MAST4: variants seen among roughly 807,000 people sequenced by gnomAD.
The protein encoded by MAST4 is microtubule-associated serine/threonine-protein kinase 4.
Under a neutral mutation model 162.7 loss-of-function variants are expected in MAST4, and 89 were observed. That is an observed-to-expected ratio of 0.55 (90% CI 0.46 to 0.65). MAST4 has a LOEUF of 0.65. Among genes scored for constraint, MAST4 ranks in the 30% least tolerant of loss-of-function variants. The pLI is 0.00. For missense variants in MAST4, 3,153 were observed against 3,374.0 expected (o/e 0.93, Z 1.62); for synonymous variants, 1,479 against 1,361.1 (o/e 1.09, Z -1.91).
chr5:66,855,931 T>C (rs574550060), intron 3 of MAST4, among the ~76,000 whole-genome samples: 1 of 152,042 alleles, frequency 6.6e-6, no homozygotes, highest in South Asian at 2.1e-4. Flanking sequence ...GGAGGCTGAG[T>C]TGGGAGGATC....
chr5:66,808,678 G>A (rs576623164), intron 3 of MAST4, among the ~76,000 whole-genome samples: 2 of 152,244 alleles, frequency 1.3e-5, no homozygotes, highest in East Asian at 1.9e-4. Flanking sequence ...CATCACTTGC[G>A]TTCACAGCAT....
chr5:66,863,133 T>C (rs1263994120), intron 3 of MAST4, among the ~76,000 whole-genome samples: 2 of 152,180 alleles, frequency 1.3e-5, no homozygotes, highest in Non-Finnish European at 2.9e-5. Flanking sequence ...ATTACAGTAA[T>C]GTGAAACCTT....
At chr5:66,666,964 G>T (rs762626390) in intron 1 of MAST4, among the ~76,000 whole-genome samples, 21 of 151,864 alleles carry the variant, frequency 1.4e-4, no homozygotes, top group Non-Finnish European at 2.9e-4. Flanking sequence ...GGCTTGACTG[G>T]CAGCCTGCCA....
chr5:67,039,885 A>G (rs1364819909), intron 4 of MAST4, among the ~76,000 whole-genome samples: 1 of 152,120 alleles, frequency 6.6e-6, no homozygotes, highest in Admixed American at 6.6e-5. Flanking sequence ...AGAAGAATCT[A>G]CAATTTGGGG....
At chr5:67,022,876 CT>C (rs11374395) in intron 4 of MAST4, among the ~76,000 whole-genome samples, 34 of 147,854 alleles carry the variant, frequency 2.3e-4, no homozygotes, top group Middle Eastern at 3.4e-3. Flanking sequence ...GCAACAGTAG[CT>C]TTTTTTTTTT....
intron 1 of MAST4, among the ~76,000 whole-genome samples, chr5:66,743,631 G>A (rs1225766667): frequency 6.6e-6 from 1 of 152,130 alleles, no homozygotes; most frequent in Non-Finnish European, 1.5e-5. Context: ...CAGACCTGGA[G>A]TTCTGGGGAC....
At chr5:67,018,944 A>G (rs1231868622) in intron 4 of MAST4, among the ~76,000 whole-genome samples, 2 of 152,232 alleles carry the variant, frequency 1.3e-5, no homozygotes, top group Non-Finnish European at 2.9e-5. Flanking sequence ...AAATCACCCC[A>G]AATCCTGGTA....
In MAST4 at chr5:67,168,449, A is replaced by T. The variant is rs1774289259; in HGVS notation, c.*1398A>T. ...TTGCTAAGCCTTATTTAAATTTTGT[A>T]TACCGTGGAATATGTAGAATTTGTC... On this transcript the variant is annotated 3_prime_UTR_variant, in exon 29 of 29. Transcript: ENST00000403625. The T allele has an allele frequency of 6.6e-6, 1 of 152,158 alleles. No homozygotes were observed. The highest frequency in any genetic ancestry group is 1.5e-5 in the Non-Finnish European group (1 of 68,024). The allele number at this position is 152,158 out of a possible 1,614,324, so 9.4% of individuals were successfully genotyped here. A position where few individuals can be genotyped will look rare whatever the true frequency, so the allele number is the denominator to read the frequency against.
chr5:67,093,436 G>C (rs898644837), intron 6 of MAST4, among the ~76,000 whole-genome samples: 5 of 152,192 alleles, frequency 3.3e-5, no homozygotes, highest in African/African-American at 9.6e-5. Flanking sequence ...AAGTACTGTA[G>C]ATAGCATGTA....
In MAST4 at chr5:67,149,601, C is replaced by G; in HGVS notation, c.3295+12C>G. The G allele has an allele frequency of 8.7e-6, 14 of 1,611,630 alleles. No homozygotes were observed. Among genetic ancestry groups the G allele is most frequent in the Non-Finnish European group, 1.1e-5 (13 of 1,178,506 alleles). On this transcript the variant is annotated intron_variant, in intron 24 of 28. Coordinates refer to ENST00000403625, the MANE Select transcript of MAST4 (RefSeq NM_001164664.2). ...CATGATCCCAGGAGGTAGAGAGATACTACTTGCATGAAATTGTGTGATTTG... is the reference window on the plus strand; with the variant it reads ...CATGATCCCAGGAGGTAGAGAGATAGTACTTGCATGAAATTGTGTGATTTG...
chr5:67,045,721 T>G (rs1163216895), intron 4 of MAST4, among the ~76,000 whole-genome samples: 2 of 152,214 alleles, frequency 1.3e-5, no homozygotes, highest in Non-Finnish European at 1.5e-5. Flanking sequence ...GCTCTGTATA[T>G]ACGCTCCAAT....
intron 1 of MAST4, among the ~76,000 whole-genome samples, chr5:66,653,232 C>G (rs12055346): frequency 0.25 from 38,652 of 152,112 alleles, 5,080 homozygotes; most frequent in South Asian, 0.3. Flanking sequence ...TTCTTACTCC[C>G]ACTAAAATCA....
At chr5:66,872,265 G>A (rs1214670876) in intron 3 of MAST4, among the ~76,000 whole-genome samples, 1 of 152,134 alleles carries the variant, frequency 6.6e-6, no homozygotes, top group Non-Finnish European at 1.5e-5. Flanking sequence ...CACCTCCTGG[G>A]TTCAAGTGAT....
chr5:67,108,687 T>C (rs1765871341), intron 10 of MAST4, among the ~76,000 whole-genome samples: 1 of 152,150 alleles, frequency 6.6e-6, no homozygotes, highest in Non-Finnish European at 1.5e-5. Context: ...CTTTTGCCTG[T>C]ATATGGTTTT....
At chr5:66,817,286 T>C (rs1052735031) in intron 3 of MAST4, among the ~76,000 whole-genome samples, 11 of 152,358 alleles carry the variant, frequency 7.2e-5, no homozygotes, top group African/African-American at 2.6e-4. Flanking sequence ...ATTCATGTAC[T>C]TCTGACTCAG....
At chr5:66,811,641 G>T (rs559027192) in intron 3 of MAST4, among the ~76,000 whole-genome samples, 2 of 152,132 alleles carry the variant, frequency 1.3e-5, no homozygotes, top group Non-Finnish European at 2.9e-5. Flanking sequence ...AAGCTTTTTA[G>T]TAGTCAGTCA....
rs771254040 is a variant in MAST4 at position 67,164,271 on chromosome 5, A to G, written c.5092A>G (p.Lys1698Glu). Residue 1698 changes from lysine to glutamate, a missense_variant, in exon 29 of 29, where the codon AAA (lysine) becomes GAA (glutamate). By Grantham distance (56) the Lys-to-Glu change is moderately conservative. Coordinates refer to ENST00000403625, the MANE Select transcript of MAST4 (RefSeq NM_001164664.2). This position sits in a 1 kb window ranked among gnomAD's most constrained non-coding sequence, Gnocchi z 5.3. Reference sequence around the variant, plus strand: ...CCGAAAGAAAATGTCACTTGAGGACAAAGAGGACAACCTCTGCCCTGTGCT... The same window carrying G: ...CCGAAAGAAAATGTCACTTGAGGACGAAGAGGACAACCTCTGCCCTGTGCT... ...YLRKKMSLEDKEDNLCPVLKP... is the reference protein window; with the variant it reads ...YLRKKMSLEDEEDNLCPVLKP... The G allele has an allele frequency of 6.2e-7, 1 of 1,614,032 alleles. No homozygotes were observed. Among genetic ancestry groups the G allele is most frequent in the Admixed American group, 1.7e-5 (1 of 60,024 alleles).
chr5:67,028,744 A>T (rs1754965024), intron 4 of MAST4, among the ~76,000 whole-genome samples: 1 of 152,134 alleles, frequency 6.6e-6, no homozygotes, highest in African/African-American at 2.4e-5. Context: ...TTTGGGATTC[A>T]TTGGACTGGA....
chr5:66,964,549 C>G (rs1223965293), intron 4 of MAST4, among the ~76,000 whole-genome samples: 1 of 152,036 alleles, frequency 6.6e-6, no homozygotes, highest in African/African-American at 2.4e-5. Flanking sequence ...TGCCTGTAAT[C>G]CCAGCACTTT....
Sources: gnomAD v4.1 joint callset for allele counts (sites outside exome capture counted in the v4.1 genomes callset) on GRCh38, gnomAD v4.1.1 for gene constraint, Gnocchi (gnomAD v3.1) non-coding constraint, MANE v1.5 for transcripts, NCBI Gene and HGNC (gene_info 2026-07-23, HGNC 2026-07-21) for gene names.